SP140L: variants seen among roughly 807,000 people sequenced by gnomAD.
The protein encoded by SP140L is nuclear body protein SP140-like protein.
Under a neutral mutation model 84.3 loss-of-function variants are expected in SP140L, and 64 were observed. The observed-to-expected ratio is 0.76, with a 90% CI of 0.62 to 0.94. The LOEUF is 0.94. SP140L is among the 40% of genes least tolerant of loss of function. SP140L has a pLI of 0.00. For missense variants in SP140L, 628 were observed against 692.5 expected, an observed-to-expected ratio of 0.91 and a Z score of 1.05; for synonymous variants, 242 against 236.9, an observed-to-expected ratio of 1.02 and a Z score of -0.20.
chr2:230,350,266 G>A (rs1280436842), intron 2 of SP140L, among the ~76,000 whole-genome samples: 5 of 152,138 alleles, frequency 3.3e-5, no homozygotes, highest in Admixed American at 6.5e-5. Context: ...GGATCATAAT[G>A]TATTAATCTG....
chr2:230,393,023 C>T (rs2061889379), intron 12 of SP140L, among the ~76,000 whole-genome samples: 1 of 152,062 alleles, frequency 6.6e-6, no homozygotes. Flanking sequence ...TCTTCATGTA[C>T]CCAAGATTGA....
chr2:230,333,683 C>A (rs961216396), intron 2 of SP140L, among the ~76,000 whole-genome samples: 43 of 151,766 alleles, frequency 2.8e-4, no homozygotes, highest in Non-Finnish European at 5.3e-4. Flanking sequence ...TCTGCCTTAT[C>A]TCTCTGTTTT....
At chr2:230,397,190 G>A (rs908403931) in intron 14 of SP140L, among the ~76,000 whole-genome samples, 7 of 152,202 alleles carry the variant, frequency 4.6e-5, no homozygotes, top group Admixed American at 4.6e-4. Context: ...AAGGGGTATG[G>A]ATGAAAGGGA....
chr2:230,331,006 C>T (rs796542755), intron 2 of SP140L, among the ~76,000 whole-genome samples: 32 of 152,234 alleles, frequency 2.1e-4, no homozygotes, highest in African/African-American at 7.5e-4. Flanking sequence ...TATCTCAGTG[C>T]TTGTGTTCAG....
Position 230,400,224 on chromosome 2 carries a change from C to T in SP140L, c.1295C>T (p.Pro432Leu), listed in dbSNP as rs776155423. The T allele has an allele frequency of 2.5e-6, 4 of 1,614,154 alleles. No homozygotes were observed. In the South Asian group the frequency reaches 4.4e-5, roughly 18 times the overall value. The change falls in exon 15 of 19, where the codon CCA (proline) becomes CTA (leucine). Residue 432 changes from proline (P) to leucine (L), a missense_variant. Transcript: ENST00000415673. ...GTCTTCCATGAGGACTGCCACATCC[C>T]ACCTGTGGAAAGTGAGAAGTAAGTG... Reference protein sequence around the residue: ...SRVFHEDCHIPPVESEKTPWN... With the variant: ...SRVFHEDCHILPVESEKTPWN...
intron 5 of SP140L, among the ~76,000 whole-genome samples, chr2:230,361,993 C>T (rs1425655069): frequency 1.3e-5 from 2 of 152,294 alleles, no homozygotes; most frequent in Admixed American, 6.5e-5. Flanking sequence ...AGAAAGGTCC[C>T]TGTGGGAGGT....
rs541028746 is a variant in SP140L, at chr2:230,394,075, T to C, written c.1155+614T>C. Among the ~76,000 whole-genome samples, 200 of 152,346 alleles carry C rather than the reference T, an allele frequency of 1.3e-3. 2 individuals are homozygous for C. Among genetic ancestry groups the C allele is most frequent in the Middle Eastern group, 3.4e-3 (1 of 294 alleles). Reference sequence around the variant, plus strand: ...ATTTACCTTTGTCAAGATGGTGCCATTGGGGAGGAAGATCTCCAGAGGCAA... The same window carrying C: ...ATTTACCTTTGTCAAGATGGTGCCACTGGGGAGGAAGATCTCCAGAGGCAA... On this transcript the variant is annotated intron_variant, in intron 13 of 18. Transcript: ENST00000415673.
intron 2 of SP140L, among the ~76,000 whole-genome samples, chr2:230,352,362 G>A (rs1248882507): frequency 6.6e-6 from 1 of 152,160 alleles, no homozygotes; most frequent in Non-Finnish European, 1.5e-5. Flanking sequence ...TCATGACTAG[G>A]AGGTCTCAGG....
At chr2:230,350,961 C>T (rs2060346516) in intron 2 of SP140L, among the ~76,000 whole-genome samples, 1 of 152,052 alleles carries the variant, frequency 6.6e-6, no homozygotes, top group South Asian at 2.1e-4. Flanking sequence ...GTGAGTGTGA[C>T]CAGGCAGAAG....
At chr2:230,401,939 G>T (rs1163813573) in intron 18 of SP140L, 132 bp downstream of exon 18, 8 of 855,468 alleles carry the variant, frequency 9.4e-6, no homozygotes, top group Non-Finnish European at 1.5e-5. Context: ...TGATTGATTG[G>T]TTTCAGTTCA....
chr2:230,388,959 C>A (rs2061695886), intron 10 of SP140L, among the ~76,000 whole-genome samples: 1 of 152,172 alleles, frequency 6.6e-6, no homozygotes, highest in Non-Finnish European at 1.5e-5. Flanking sequence ...CTTCCTCTGG[C>A]TACACAGAAA....
rs145286067 is a variant in SP140L, at chr2:230,368,888, T to C, written c.524-2020T>C. Among the ~76,000 whole-genome samples, 153 of 152,386 alleles carry C rather than the reference T, an allele frequency of 1.0e-3. No individual in the cohort carries two copies. The Middle Eastern group carries it at 0.01, about 10-fold the overall frequency. ...CAGTGAATTGTTTCTTGGTATATTC[T>C]TGAAGTTTGCTGAGATTCCTTAAAA... On this transcript the variant is annotated intron_variant, in intron 5 of 18. Coordinates refer to ENST00000415673, the MANE Select transcript of SP140L (RefSeq NM_138402.6).
chr2:230,347,309 G>T (rs1047565934), intron 2 of SP140L, among the ~76,000 whole-genome samples: 1 of 152,184 alleles, frequency 6.6e-6, no homozygotes, highest in Non-Finnish European at 1.5e-5. Context: ...AATCAGGGTT[G>T]CAGGCTGTGT....
At chr2:230,359,183 A>G (rs2060640131) in intron 4 of SP140L, 51 bp downstream of exon 4, 7 of 1,534,280 alleles carry the variant, frequency 4.6e-6, no homozygotes, top group Admixed American at 1.8e-5. Flanking sequence ...ATTTTTTTCA[A>G]TAAGCATATG....
intron 15 of SP140L, 110 bp downstream of exon 15, chr2:230,400,352 C>G (rs1288562214): frequency 9.1e-7 from 1 of 1,102,268 alleles, no homozygotes; most frequent in Non-Finnish European, 1.3e-6. Context: ...GGAGCAGGTT[C>G]ATCGGGTACT....
intron 1 of SP140L, among the ~76,000 whole-genome samples, chr2:230,327,801 C>A (rs1400095789): frequency 6.6e-6 from 1 of 152,202 alleles, no homozygotes; most frequent in Non-Finnish European, 1.5e-5. Flanking sequence ...ACTGTGGTTT[C>A]ACCTGTCTTG....
intron 2 of SP140L, among the ~76,000 whole-genome samples, chr2:230,357,239 T>C (rs1407918387): frequency 6.6e-6 from 1 of 152,216 alleles, no homozygotes; most frequent in African/African-American, 2.4e-5. Context: ...ATATCACTGA[T>C]ATTCTCATGA....
intron 13 of SP140L, among the ~76,000 whole-genome samples, chr2:230,395,726 T>C (rs1022069461): frequency 4.6e-5 from 7 of 152,248 alleles, no homozygotes; most frequent in Non-Finnish European, 1.0e-4. Context: ...CACTTGTTTA[T>C]AGCCCTGTGC....
rs113661991 is a variant in SP140L at position 230,400,837 on chromosome 2, C to T, written c.1314-118C>T. The T allele has an allele frequency of 9.9e-3, 15,566 of 1,573,806 alleles. 109 individuals carry two copies. Among genetic ancestry groups the T allele is most frequent in the Non-Finnish European group, 0.012 (13,305 of 1,156,434 alleles). On this transcript the variant is annotated intron_variant, in intron 15 of 18. Transcript: ENST00000415673. ...GTTCTTGGATACTCTGGGAGGTGTT[C>T]CCCTCCCTCCCATGACTGAGCCCAT...
Sources: allele counts gnomAD v4.1 joint callset (sites outside exome capture counted in the v4.1 genomes callset), GRCh38; gene constraint gnomAD v4.1.1; transcripts MANE v1.5; gene names NCBI Gene and HGNC (gene_info 2026-07-23, HGNC 2026-07-21).